Variants in PAGE2B observed in about 807,000 individuals in gnomAD.
PAGE2B encodes putative G antigen family E member 3.
PAGE2B carries 5 observed loss-of-function variants against 7.6 expected under a neutral mutation model. The ratio of observed to expected loss-of-function variants is 0.66; its 90% confidence interval spans 0.34 to 1.38. The LOEUF is 1.38. Among genes scored for constraint, PAGE2B ranks in the 40% most tolerant of loss-of-function variants. The probability of loss-of-function intolerance (pLI) is 0.04; values close to 1 mark genes in which losing one functional copy is unlikely to be tolerated. For synonymous variants in PAGE2B, 29 were observed against 26.7 expected, an observed-to-expected ratio of 1.09 and a Z score of -0.27; for missense variants, 70 against 78.4, an observed-to-expected ratio of 0.89 and a Z score of 0.41.
the PAGE2B span, among the ~76,000 whole-genome samples, chrX:55,050,442 T>G: frequency 4.6e-5 from 5 of 108,730 alleles, no homozygotes; most frequent in African/African-American, 1.4e-4. Flanking sequence ...TGTGGGAGTC[T>G]AAGTCTCTTT....
At chrX:55,036,812 A>G in the PAGE2B span, among the ~76,000 whole-genome samples, 1 of 109,984 alleles carries the variant, frequency 9.1e-6, no homozygotes, top group Admixed American at 9.7e-5. Flanking sequence ...AGGATTCCCT[A>G]TTTAATAAAT....
the PAGE2B span, among the ~76,000 whole-genome samples, chrX:55,063,732 T>C: frequency 9.0e-6 from 1 of 111,660 alleles, no homozygotes; most frequent in Admixed American, 9.5e-5. Context: ...ATGTTCCTTC[T>C]ATATCCAGTT....
chrX:55,050,637 CT>C, the PAGE2B span, among the ~76,000 whole-genome samples: 3 of 109,941 alleles, frequency 2.7e-5, no homozygotes, highest in Admixed American at 9.8e-5. Flanking sequence ...CAACCCCTGC[CT>C]TTTTTTGTTT....
At chrX:55,040,065 A>C in the PAGE2B span, among the ~76,000 whole-genome samples, 15 of 108,177 alleles carry the variant, frequency 1.4e-4, no homozygotes, top group Non-Finnish European at 2.7e-4. Context: ...TTTTGAAGAG[A>C]TCATAAACCA....
chrX:55,050,822 T>C, the PAGE2B span, among the ~76,000 whole-genome samples: 21 of 111,641 alleles, frequency 1.9e-4, no homozygotes, highest in African/African-American at 6.5e-4. Flanking sequence ...AAGGTTAGTA[T>C]TGTTATGTGT....
At chrX:55,039,686 C>T in the PAGE2B span, among the ~76,000 whole-genome samples, 1 of 111,295 alleles carries the variant, frequency 9.0e-6, no homozygotes, top group Non-Finnish European at 1.9e-5. Flanking sequence ...AGTGTGGATT[C>T]TTTGCAAATA....
upstream of PAGE2B, among the ~76,000 whole-genome samples, chrX:55,073,663 C>A (rs1029762047): frequency 1.8e-5 from 2 of 112,071 alleles, no homozygotes; most frequent in African/African-American, 6.5e-5. Context: ...TTCCTGTTCA[C>A]GAGCATGGAA....
chrX:55,070,426 A>G (rs1936438281), upstream of PAGE2B, among the ~76,000 whole-genome samples: 1 of 111,661 alleles, frequency 9.0e-6, no homozygotes, highest in Non-Finnish European at 1.9e-5. Flanking sequence ...GTTCTTTTGC[A>G]TTTGCTGAGG....
At chrX:55,073,821 G>A (rs1205066028), upstream of PAGE2B, among the ~76,000 whole-genome samples, 2 of 111,373 alleles carry the variant, frequency 1.8e-5, no homozygotes, top group Admixed American at 1.9e-4. Flanking sequence ...TTCTGATTTG[G>A]CTCTGTGCTT....
At chrX:55,056,933 C>T in the PAGE2B span, among the ~76,000 whole-genome samples, 1 of 111,443 alleles carries the variant, frequency 9.0e-6, no homozygotes, top group Non-Finnish European at 1.9e-5. Flanking sequence ...CCTGTTCTGC[C>T]GAAGATTCTC....
At chrX:55,060,839 G>A in the PAGE2B span, among the ~76,000 whole-genome samples, 1 of 110,173 alleles carries the variant, frequency 9.1e-6, no homozygotes, top group African/African-American at 3.3e-5. Context: ...TATATTTTCA[G>A]TAAGTTTTCA....
At chrX:55,050,785 A>G in the PAGE2B span, among the ~76,000 whole-genome samples, 1 of 111,485 alleles carries the variant, frequency 9.0e-6, no homozygotes, top group African/African-American at 3.3e-5. Context: ...GTGCCTTTTA[A>G]TTGGAGCATT....
At chrX:55,041,363 G>A in the PAGE2B span, among the ~76,000 whole-genome samples, 9 of 110,788 alleles carry the variant, frequency 8.1e-5, no homozygotes, top group Non-Finnish European at 1.5e-4. Context: ...TTACAGGCGT[G>A]AGCCACCGTG....
At chrX:55,076,412 G>GTA (rs112358434) in intron 2 of PAGE2B, among the ~76,000 whole-genome samples, 157 bp from the exon 3 acceptor site, 2 of 107,563 alleles carry the variant, frequency 1.9e-5, no homozygotes, top group African/African-American at 6.8e-5. Flanking sequence ...ATATATGTAT[G>GTA]TATATACGTA....
chrX:55,065,126 GT>G, the PAGE2B span, among the ~76,000 whole-genome samples: 3 of 111,822 alleles, frequency 2.7e-5, no homozygotes, highest in Admixed American at 2.8e-4. Context: ...CAGGAGATCT[GT>G]CCAATGCTGA....
chrX:55,028,471 A>G, the PAGE2B span, among the ~76,000 whole-genome samples: 6 of 111,503 alleles, frequency 5.4e-5, no homozygotes, highest in Admixed American at 2.8e-4. Context: ...AAAGCCCCCA[A>G]TATTGGAGGC....
the PAGE2B span, among the ~76,000 whole-genome samples, chrX:55,044,253 A>G: frequency 1.8e-5 from 2 of 111,602 alleles, no homozygotes; most frequent in East Asian, 5.6e-4. Flanking sequence ...GAGTGGATAA[A>G]GAAAATGTGG....
chrX:55,051,826 A>G, the PAGE2B span, among the ~76,000 whole-genome samples: 1 of 111,950 alleles, frequency 8.9e-6, no homozygotes, highest in Admixed American at 9.5e-5. Context: ...GTCATTCTCC[A>G]TCCAGCTTTG....
chrX:55,050,720 T>A, the PAGE2B span, among the ~76,000 whole-genome samples: 1 of 111,704 alleles, frequency 9.0e-6, no homozygotes, highest in Non-Finnish European at 1.9e-5. Flanking sequence ...GTGAGGTGGG[T>A]TTCCTGAATA....
Sources: gnomAD v4.1 joint callset for allele counts (sites outside exome capture counted in the v4.1 genomes callset) on GRCh38, gnomAD v4.1.1 for gene constraint, MANE v1.5 for transcripts, NCBI Gene and HGNC (gene_info 2026-07-23, HGNC 2026-07-21) for gene names.